Variants in NTSR1 observed in about 807,000 individuals in gnomAD.
The protein encoded by NTSR1 is neurotensin receptor 1.
NTSR1 carries 29 observed loss-of-function variants against 31.2 expected under a neutral mutation model. The observed-to-expected ratio is 0.93, with a 90% CI of 0.69 to 1.27. The LOEUF (loss-of-function observed/expected upper bound fraction) is 1.27. Among genes scored for constraint, NTSR1 ranks in the 50% most tolerant of loss-of-function variants. The pLI is 0.00. For synonymous variants in NTSR1, 282 were observed against 269.9 expected (o/e 1.04, Z -0.44); for missense variants, 697 against 595.4 (o/e 1.17, Z -1.78).
intron 1 of NTSR1, among the ~76,000 whole-genome samples, chr20:62,731,154 G>A (rs1034204628): frequency 1.3e-5 from 2 of 151,944 alleles, no homozygotes; most frequent in African/African-American, 2.4e-5. Flanking sequence ...GCACAATCTC[G>A]GCTCACCACA....
chr20:62,709,386 T>C lies in NTSR1; in HGVS notation c.179T>C (p.Ile60Thr). The change falls in exon 1 of 4, where the codon ATC becomes ACC. Residue 60 changes from isoleucine (I) to threonine (T), a missense_variant. Transcript: ENST00000370501. ...AGCGAGCTGGACGTGAACACCGACA[T>C]CTACTCCAAGGTGCTGGTGACCGCC... ...PSSELDVNTD[I>T]YSKVLVTAVY... The C allele has an allele frequency of 1.2e-6, 2 of 1,608,880 alleles. No individual in the cohort carries two copies. Among genetic ancestry groups the C allele is most frequent in the East Asian group, 2.2e-5 (1 of 44,726 alleles).
chr20:62,715,625 G>A lies in NTSR1; in HGVS notation c.714+5704G>A, dbSNP rs577694425. Among the ~76,000 whole-genome samples, 41 of 152,234 alleles carry A rather than the reference G, an allele frequency of 2.7e-4. No homozygotes were observed. The highest frequency in any genetic ancestry group is 1.7e-3 in the South Asian group (8 of 4,838). On this transcript the variant is annotated intron_variant, in intron 1 of 3. Transcript: ENST00000370501. The surrounding 1 kb of genome is among the most constrained non-coding windows in gnomAD (Gnocchi z 4.7). ...TGTTCACAGCTCTGCATTGTGACCC[G>A]GGGTCAGCTCTCCCGGGCTGTCCTG... is the stretch of plus-strand genomic sequence containing the variant.
intron 1 of NTSR1, among the ~76,000 whole-genome samples, chr20:62,713,152 A>C (rs1259345055): frequency 6.6e-6 from 1 of 151,952 alleles, no homozygotes; most frequent in African/African-American, 2.4e-5. Flanking sequence ...AGCCGTGAGG[A>C]CTCCTTTCAT....
rs1159324541 is a variant in NTSR1 at position 62,733,033 on chromosome 20, C to T, written c.715-21652C>T. Reference sequence around the variant, plus strand: ...CTCGGTGAGAAGCCGCCACGGGAGTCTGTGGACTTGTCACATCACCCGCAG... The same window carrying T: ...CTCGGTGAGAAGCCGCCACGGGAGTTTGTGGACTTGTCACATCACCCGCAG... On this transcript the variant is annotated intron_variant, in intron 1 of 3. Coordinates refer to ENST00000370501, the MANE Select transcript of NTSR1 (RefSeq NM_002531.3). The surrounding 1 kb of genome is among the most constrained non-coding windows in gnomAD (Gnocchi z 5.2). The T allele has an allele frequency of 1.3e-5, 2 of 148,358 alleles. No homozygotes were observed. Among genetic ancestry groups the T allele is most frequent in the Admixed American group, 6.7e-5 (1 of 14,914 alleles). 9.2% of individuals were successfully genotyped at this position (148,358 alleles called of 1,614,324 possible).
intron 2 of NTSR1, 150 bp downstream of exon 2, chr20:62,755,036 G>T: frequency 1.5e-6 from 1 of 680,884 alleles, no homozygotes; most frequent in Non-Finnish European, 2.4e-6. Context: ...TCCCCCGAGG[G>T]GTGAGTGCCA....
chr20:62,719,108 C>CA (rs1568697364), intron 1 of NTSR1, among the ~76,000 whole-genome samples: 1 of 51,412 alleles, frequency 1.9e-5, no homozygotes, highest in Non-Finnish European at 5.5e-5. Context: ...GCTTCCAGTC[C>CA]CTTTTTTTTT....
In NTSR1 at chr20:62,709,430, G is replaced by A. The variant is rs757356051; in HGVS notation, c.223G>A (p.Val75Met). 1 of 1,612,136 alleles carries A rather than the reference G, an allele frequency of 6.2e-7. No homozygotes were observed. Among genetic ancestry groups the A allele is most frequent in the Non-Finnish European group, 8.5e-7 (1 of 1,179,404 alleles). ...LVTAVYLALF[V>M]VGTVGNTVTA... The stretch of plus-strand genomic sequence containing the variant: ...GACCGCCGTGTACCTGGCGCTCTTC[G>A]TGGTGGGCACGGTGGGCAACACGGT... Residue 75 changes from valine (V) to methionine (M), a missense_variant, in exon 1 of 4, where the codon GTG becomes ATG. Transcript: ENST00000370501.
intron 1 of NTSR1, among the ~76,000 whole-genome samples, chr20:62,722,147 C>T (rs2147134643): frequency 6.6e-6 from 1 of 152,296 alleles, no homozygotes; most frequent in East Asian, 1.9e-4. Context: ...CTTATTTTAG[C>T]AGGCAGTTCA....
intron 1 of NTSR1, among the ~76,000 whole-genome samples, chr20:62,717,392 G>A (rs1988750355): frequency 6.6e-6 from 1 of 152,216 alleles, no homozygotes; most frequent in Non-Finnish European, 1.5e-5. Flanking sequence ...AGGTGGTTTT[G>A]GGTTGTCCCC....
At chr20:62,746,141 C>T (rs1164485726) in intron 1 of NTSR1, among the ~76,000 whole-genome samples, 3 of 152,068 alleles carry the variant, frequency 2.0e-5, no homozygotes, top group Non-Finnish European at 2.9e-5. Context: ...GGCTGCCGCC[C>T]GGCGGGTCAC....
Position 62,732,148 on chromosome 20 carries a change from G to A in NTSR1, c.714+22227G>A, listed in dbSNP as rs1158181096. On this transcript the variant is annotated intron_variant, in intron 1 of 3. Transcript: ENST00000370501. The surrounding 1 kb of genome is among the most constrained non-coding windows in gnomAD (Gnocchi z 4.0). ...AAAAAAAAAAAAATTACACTGTACC[G>A]ATAACTGGGGCTTTATAGCAAGTGT... 1.4e-4 allele frequency among the ~76,000 whole-genome samples: 21 copies of A among 151,456 alleles called. No homozygotes were observed. The highest frequency in any genetic ancestry group is 2.1e-4 in the Non-Finnish European group (14 of 67,910).
At chr20:62,746,821 C>T (rs55943000) in intron 1 of NTSR1, among the ~76,000 whole-genome samples, 12,060 of 152,238 alleles carry the variant, frequency 0.079, 567 homozygotes, top group African/African-American at 0.14. Context: ...GGTTGCTTCG[C>T]CGATGGATGC....
chr20:62,717,712 C>A (rs980429761), intron 1 of NTSR1, among the ~76,000 whole-genome samples: 1 of 152,196 alleles, frequency 6.6e-6, no homozygotes, highest in Non-Finnish European at 1.5e-5. Context: ...CTCTTCTGAG[C>A]ATCTGGGCTA....
intron 1 of NTSR1, among the ~76,000 whole-genome samples, chr20:62,713,322 G>A (rs1287993110): frequency 2.0e-5 from 3 of 152,230 alleles, no homozygotes; most frequent in Non-Finnish European, 2.9e-5. Flanking sequence ...CCTCCCAGGG[G>A]CAGACAGGGG....
intron 1 of NTSR1, among the ~76,000 whole-genome samples, chr20:62,739,564 C>G (rs773067692): frequency 6.6e-6 from 1 of 152,266 alleles, no homozygotes; most frequent in Non-Finnish European, 1.5e-5. Context: ...GCCTTCCTCT[C>G]TCACCCCTAC....
At chr20:62,751,057 T>C (rs1989386532) in intron 1 of NTSR1, among the ~76,000 whole-genome samples, 1 of 152,086 alleles carries the variant, frequency 6.6e-6, no homozygotes, top group Non-Finnish European at 1.5e-5. Context: ...TTTTAGTTTT[T>C]GTAGAGATGG....
In NTSR1 at chr20:62,720,801, A is replaced by G. The variant is rs111924717; in HGVS notation, c.714+10880A>G. Among the ~76,000 whole-genome samples, 472 of 152,238 alleles carry G rather than the reference A, an allele frequency of 3.1e-3. 5 individuals are homozygous for G. Among genetic ancestry groups the G allele is most frequent in the African/African-American group, 0.011 (445 of 41,538 alleles). ...AATGCTATAAACATCCTCCTAATTA[A>G]TGCTTTAGTGGCATCTCAAAATTTT... On this transcript the variant is annotated intron_variant, in intron 1 of 3. Coordinates refer to ENST00000370501, the MANE Select transcript of NTSR1 (RefSeq NM_002531.3).
At position 62,752,720 on chromosome 20, in the gene NTSR1, C is replaced by T. The variant is rs117566670; in HGVS notation, c.715-1965C>T. 2.9e-3 allele frequency among the ~76,000 whole-genome samples: 440 copies of T among 152,276 alleles called. 4 individuals are homozygous for T. The highest frequency in any genetic ancestry group is 0.029 in the East Asian group (148 of 5,170). ...ACATTGGTGCTGTTTAAACTATCCC[C>T]GGGCTGCGGTGACTCACAGGGAATG... On this transcript the variant is annotated intron_variant, in intron 1 of 3. Coordinates refer to ENST00000370501, the MANE Select transcript of NTSR1 (RefSeq NM_002531.3).
chr20:62,713,713 A>C (rs2147131479), intron 1 of NTSR1, among the ~76,000 whole-genome samples: 1 of 152,356 alleles, frequency 6.6e-6, no homozygotes, highest in Admixed American at 6.5e-5. Context: ...CTTGCGGGTC[A>C]TGCGGCATTG....
Sources: gnomAD v4.1 joint callset for allele counts (sites outside exome capture counted in the v4.1 genomes callset) on GRCh38, gnomAD v4.1.1 for gene constraint, Gnocchi (gnomAD v3.1) non-coding constraint, MANE v1.5 for transcripts, NCBI Gene and HGNC (gene_info 2026-07-23, HGNC 2026-07-21) for gene names.